Variants in SLC2A13 observed in about 807,000 individuals in gnomAD.
SLC2A13 encodes solute carrier family 2 member 13, also known as proton myo-inositol cotransporter.
In SLC2A13, 32 loss-of-function variants were observed where a neutral mutation model predicts 64.4. The ratio of observed to expected loss-of-function variants is 0.50; its 90% CI spans 0.37 to 0.67. The LOEUF is 0.67. Among genes scored for constraint, SLC2A13 ranks in the 30% least tolerant of loss-of-function variants. The pLI, the probability that SLC2A13 is intolerant of heterozygous loss-of-function variation, is 0.00. For synonymous variants in SLC2A13, 338 were observed against 327.1 expected, an observed-to-expected ratio of 1.03 and a Z score of -0.36; for missense variants, 743 against 829.2, an observed-to-expected ratio of 0.90 and a Z score of 1.28.
At chr12:39,830,252 T>C in intron 6 of SLC2A13, 24 bp from the exon 7 acceptor site, 1 of 1,606,934 alleles carries the variant, frequency 6.2e-7, no homozygotes, top group Non-Finnish European at 8.5e-7. Flanking sequence ...AGAGTTACCG[T>C]CATGTTGGCA....
rs143859218 is a variant in SLC2A13 at position 39,849,681 on chromosome 12, G to T, written c.1319+15081C>A. Among the ~76,000 whole-genome samples, 401 of 152,216 alleles carry T rather than the reference G, an allele frequency of 2.6e-3. 2 individuals carry two copies. The Middle Eastern group carries it at 0.031, about 12-fold the overall frequency. On this transcript the variant is annotated intron_variant, in intron 6 of 9. Transcript: ENST00000280871. Reference sequence around the variant, plus strand: ...CTCTGACAGGATAATTACCAAGTTTGTCTCTCTTGGAATCTCATAGATTCA... The same window carrying T: ...CTCTGACAGGATAATTACCAAGTTTTTCTCTCTTGGAATCTCATAGATTCA...
At chr12:39,922,204 A>T (rs1391127228) in intron 4 of SLC2A13, among the ~76,000 whole-genome samples, 2 of 152,208 alleles carry the variant, frequency 1.3e-5, no homozygotes, top group African/African-American at 4.8e-5. Flanking sequence ...TACTAAAGAG[A>T]ATCTTTTTAT....
At chr12:40,098,314 A>C (rs534624372) in intron 1 of SLC2A13, among the ~76,000 whole-genome samples, 1 of 152,294 alleles carries the variant, frequency 6.6e-6, no homozygotes, top group African/African-American at 2.4e-5. Flanking sequence ...AGAAGGTAGA[A>C]AGGTGGGTTG....
At chr12:39,819,789 G>C (rs534675520) in intron 7 of SLC2A13, 3 of 152,642 alleles carry the variant, frequency 2.0e-5, no homozygotes, top group South Asian at 2.1e-4. Flanking sequence ...AAGGATAAAT[G>C]CTCCTTTCAA....
chr12:39,832,350 G>C (rs905397004), intron 6 of SLC2A13, among the ~76,000 whole-genome samples: 2 of 152,044 alleles, frequency 1.3e-5, no homozygotes, highest in African/African-American at 4.8e-5. Flanking sequence ...ATTTGGGAAA[G>C]GTCAACTCAC....
At chr12:39,959,450 T>C (rs1446914600) in intron 3 of SLC2A13, among the ~76,000 whole-genome samples, 1 of 152,250 alleles carries the variant, frequency 6.6e-6, no homozygotes, top group Non-Finnish European at 1.5e-5. Context: ...CGGTATGCAA[T>C]GACTGTGTTA....
intron 5 of SLC2A13, among the ~76,000 whole-genome samples, chr12:39,870,371 C>T (rs1233136088): frequency 6.6e-6 from 1 of 152,152 alleles, no homozygotes; most frequent in Non-Finnish European, 1.5e-5. Flanking sequence ...TAACACATCA[C>T]TGCCTGATAG....
intron 6 of SLC2A13, among the ~76,000 whole-genome samples, chr12:39,860,769 C>T (rs963341918): frequency 6.6e-6 from 1 of 152,088 alleles, no homozygotes; most frequent in Non-Finnish European, 1.5e-5. Flanking sequence ...ATCTGTCTAC[C>T]TGCTTATCTC....
chr12:40,089,460 T>C (rs1938690259), intron 1 of SLC2A13, among the ~76,000 whole-genome samples: 1 of 152,214 alleles, frequency 6.6e-6, no homozygotes, highest in Non-Finnish European at 1.5e-5. Context: ...ACAAATTCTC[T>C]GGCAGCTTTG....
At chr12:39,943,833 C>T (rs564541088) in intron 4 of SLC2A13, among the ~76,000 whole-genome samples, 2 of 152,270 alleles carry the variant, frequency 1.3e-5, no homozygotes, top group South Asian at 4.1e-4. Context: ...CCAGGAGATT[C>T]CCTTGGGAGC....
At chr12:39,912,300 T>C (rs958561603) in intron 4 of SLC2A13, among the ~76,000 whole-genome samples, 1 of 151,954 alleles carries the variant, frequency 6.6e-6, no homozygotes, top group African/African-American at 2.4e-5. Context: ...CCCATAATAA[T>C]AGTAAATAAT....
chr12:39,952,111 T>C (rs1946242400), intron 3 of SLC2A13, among the ~76,000 whole-genome samples: 1 of 152,176 alleles, frequency 6.6e-6, no homozygotes. Flanking sequence ...GGATCAGTTC[T>C]GGAAAGCTGT....
chr12:39,941,207 A>G (rs2136085571), intron 4 of SLC2A13, among the ~76,000 whole-genome samples: 1 of 152,012 alleles, frequency 6.6e-6, no homozygotes, highest in South Asian at 2.1e-4. Flanking sequence ...TGACTTTGCA[A>G]TTGTGAATTG....
At chr12:39,971,557 T>C (rs1035295083) in intron 3 of SLC2A13, among the ~76,000 whole-genome samples, 1 of 152,206 alleles carries the variant, frequency 6.6e-6, no homozygotes, top group African/African-American at 2.4e-5. Context: ...TATAATATAA[T>C]TTCTTTATGA....
At chr12:40,099,883 G>C (rs1260696305) in intron 1 of SLC2A13, among the ~76,000 whole-genome samples, 1 of 151,196 alleles carries the variant, frequency 6.6e-6, no homozygotes, top group African/African-American at 2.4e-5. Context: ...CAAAAAGAAA[G>C]AAAGTGGGGA....
intron 1 of SLC2A13, among the ~76,000 whole-genome samples, chr12:40,098,586 G>T (rs1939041412): frequency 6.6e-6 from 1 of 152,196 alleles, no homozygotes; most frequent in Non-Finnish European, 1.5e-5. Context: ...CTAGTTTCAG[G>T]GAGGAGTGAG....
rs576329445 is a variant in SLC2A13 at position 40,017,164 on chromosome 12, G to A, written c.925+11137C>T. On this transcript the variant is annotated intron_variant, in intron 3 of 9. Transcript: ENST00000280871. Reference sequence around the variant, plus strand: ...AGACATCACCATCCACTCCTCTCACGTAAACAGAAAGTCAAAGAAACATTT... The same window carrying A: ...AGACATCACCATCCACTCCTCTCACATAAACAGAAAGTCAAAGAAACATTT... Among the ~76,000 whole-genome samples, 8 of 152,214 alleles carry A rather than the reference G, an allele frequency of 5.3e-5. 1 individual carries two copies. Among genetic ancestry groups the A allele is most frequent in the South Asian group, 4.1e-4 (2 of 4,822 alleles).
intron 7 of SLC2A13, among the ~76,000 whole-genome samples, chr12:39,797,757 C>T (rs983886351): frequency 1.3e-5 from 2 of 152,046 alleles, no homozygotes; most frequent in South Asian, 2.1e-4. Context: ...CACACACACA[C>T]ACACACACAC....
At chr12:39,767,447 C>T (rs7964129) in intron 7 of SLC2A13, among the ~76,000 whole-genome samples, 109,034 of 151,750 alleles carry the variant, frequency 0.72, 41,167 homozygotes, top group Non-Finnish European at 0.84. Context: ...CTTAAGGGCT[C>T]TAGGATTTTT....
Sources: gnomAD v4.1 joint callset for allele counts (sites outside exome capture counted in the v4.1 genomes callset) on GRCh38, gnomAD v4.1.1 for gene constraint, MANE v1.5 for transcripts, NCBI Gene and HGNC (gene_info 2026-07-23, HGNC 2026-07-21) for gene names.